The following ANKRD55 variants were observed in gnomAD, a reference collection of about 807,000 sequenced individuals.
ANKRD55 encodes ankyrin repeat domain 55.
A neutral mutation model predicts 60.6 loss-of-function variants in ANKRD55; 41 were observed. The ratio of observed to expected loss-of-function variants is 0.68; its 90% CI spans 0.53 to 0.88. The LOEUF is 0.88. Ranked by LOEUF, ANKRD55 falls within the 40% of genes least tolerant of loss-of-function variation. The pLI is 0.00. For synonymous variants in ANKRD55, 264 were observed against 290.3 expected (o/e 0.91, Z 0.92); for missense variants, 732 against 767.6 (o/e 0.95, Z 0.55).
intron 10 of ANKRD55, 158 bp downstream of exon 10, chr5:56,110,960 A>T: frequency 1.2e-6 from 1 of 812,400 alleles, no homozygotes; most frequent in East Asian, 2.6e-5. Context: ...CAGAAATCTC[A>T]AATCCAGTGC....
intron 8 of ANKRD55, among the ~76,000 whole-genome samples, chr5:56,123,615 A>G (rs1757145109): frequency 6.6e-6 from 1 of 152,090 alleles, no homozygotes; most frequent in Admixed American, 6.5e-5. Flanking sequence ...CAGCAGATGG[A>G]GGGCTGGATG....
chr5:56,205,207 C>G lies in ANKRD55; in HGVS notation c.59-21573G>C, dbSNP rs189885371. On this transcript the variant is annotated intron_variant, in intron 2 of 11. Coordinates refer to ENST00000341048, the MANE Select transcript of ANKRD55 (RefSeq NM_024669.3). The stretch of plus-strand genomic sequence containing the variant: ...TCCTGAGTAGTTGGGATTACAGGTG[C>G]CTGCCACCATGCCCAGCTAATTTTT... Among the ~76,000 whole-genome samples, 304 of 152,164 alleles carry G rather than the reference C, an allele frequency of 2.0e-3. 7 individuals are homozygous for G. In the East Asian group the frequency reaches 0.025, roughly 13 times the overall value.
chr5:56,135,290 G>T (rs537804236), intron 7 of ANKRD55, among the ~76,000 whole-genome samples: 5,267 of 68,458 alleles, frequency 0.077, 310 homozygotes, highest in African/African-American at 0.11. Flanking sequence ...CTGCCTGCCT[G>T]CTTGCTTTCT....
intron 5 of ANKRD55, among the ~76,000 whole-genome samples, chr5:56,164,125 T>C (rs985743039): frequency 1.3e-5 from 2 of 152,120 alleles, no homozygotes; most frequent in African/African-American, 2.4e-5. Flanking sequence ...AAAAATTCTA[T>C]AAAATGATTA....
intron 2 of ANKRD55, among the ~76,000 whole-genome samples, chr5:56,224,015 C>A (rs1298721047): frequency 6.6e-6 from 1 of 152,154 alleles, no homozygotes; most frequent in South Asian, 2.1e-4. Context: ...ACTCTCCACC[C>A]CAAATCAACA....
chr5:56,111,625 T>C lies in ANKRD55; in HGVS notation c.1123A>G (p.Thr375Ala), dbSNP rs1241063059. ...GTGATGATGTCATTGACTTCTGAGG[T>C]GTCCTCCTCTCTGTATCGGTCCCTG... is the stretch of plus-strand genomic sequence containing the variant. ...PSRDRYREED[T>A]SEVNDIITTF... Residue 375 changes from threonine to alanine, a missense_variant, in exon 10 of 12, where the codon ACC becomes GCC. Physicochemically the swap from Thr to Ala is moderately conservative, Grantham distance 58 (BLOSUM62 0). This residue lies in a region of ANKRD55 where 597 missense variants were observed against 607.5 expected (regional missense o/e 0.98). Coordinates refer to ENST00000341048, the MANE Select transcript of ANKRD55 (RefSeq NM_024669.3). 1 of 1,573,658 alleles carries C rather than the reference T, an allele frequency of 6.4e-7. No individual in the cohort carries two copies. The highest frequency in any genetic ancestry group is 2.2e-5 in the East Asian group (1 of 44,762).
intron 10 of ANKRD55, among the ~76,000 whole-genome samples, chr5:56,106,816 G>C (rs924487370): frequency 1.3e-5 from 2 of 151,796 alleles, no homozygotes; most frequent in Non-Finnish European, 2.9e-5. Flanking sequence ...GACTAGTCTG[G>C]GTAACAAAGT....
At chr5:56,224,626 T>C (rs966101231) in intron 2 of ANKRD55, among the ~76,000 whole-genome samples, 5 of 151,346 alleles carry the variant, frequency 3.3e-5, no homozygotes, top group Admixed American at 2.6e-4. Flanking sequence ...ATCAAACAGA[T>C]GCAATAAAAA....
At chr5:56,191,640 C>G (rs997678273) in intron 2 of ANKRD55, among the ~76,000 whole-genome samples, 1 of 152,178 alleles carries the variant, frequency 6.6e-6, no homozygotes, top group Non-Finnish European at 1.5e-5. Context: ...TAGTGAGCTT[C>G]CTGTCACTGA....
At chr5:56,125,794 T>A (rs1757230168) in intron 8 of ANKRD55, 1 of 152,102 alleles carries the variant, frequency 6.6e-6, no homozygotes, top group Non-Finnish European at 1.5e-5. Flanking sequence ...AAAAAAAGAA[T>A]TTCAGGTATC....
chr5:56,182,520 A>G (rs1236834522), intron 3 of ANKRD55, among the ~76,000 whole-genome samples: 4 of 151,978 alleles, frequency 2.6e-5, no homozygotes, highest in African/African-American at 9.7e-5. Context: ...TCATTGAAGC[A>G]TTTTTGTCAC....
At chr5:56,207,169 A>G (rs1380231693) in intron 2 of ANKRD55, among the ~76,000 whole-genome samples, 1 of 152,184 alleles carries the variant, frequency 6.6e-6, no homozygotes, top group South Asian at 2.1e-4. Context: ...TATTATGAGC[A>G]TGTAACAACT....
chr5:56,218,671 C>T lies in ANKRD55; in HGVS notation c.58+14185G>A, dbSNP rs142614624. Among the ~76,000 whole-genome samples, 142 of 152,288 alleles carry T rather than the reference C, an allele frequency of 9.3e-4. 3 individuals carry two copies. The Middle Eastern group carries it at 0.027, about 29-fold the overall frequency. On this transcript the variant is annotated intron_variant, in intron 2 of 11. Coordinates refer to ENST00000341048, the MANE Select transcript of ANKRD55 (RefSeq NM_024669.3). ...TGTAACTCACTTTTTGCAATATTCA[C>T]TTTGTTGCAGTGGTCTGGAAACAAA...
rs13186299 is a variant in ANKRD55 at position 56,159,818 on chromosome 5, G to C, written c.483+15C>G. On this transcript the variant is annotated intron_variant, in intron 6 of 11. Transcript: ENST00000341048. ...CATGCAAAATGACCACTTGTTGCTTGAGAGTGTGGCTCACCTCATTGTCCT... is the reference window on the plus strand; with the variant it reads ...CATGCAAAATGACCACTTGTTGCTTCAGAGTGTGGCTCACCTCATTGTCCT... The C allele has an allele frequency of 0.13, 203,533 of 1,612,006 alleles. 14,712 individuals are homozygous for C. Among genetic ancestry groups the C allele is most frequent in the Middle Eastern group, 0.15 (916 of 5,998 alleles).
intron 7 of ANKRD55, among the ~76,000 whole-genome samples, chr5:56,135,279 C>CTT (rs1561263882): frequency 1.6e-4 from 6 of 38,148 alleles, no homozygotes; most frequent in African/African-American, 4.3e-4. Flanking sequence ...TCCCTCCCTC[C>CTT]CTGCCTGCCT....
rs903436820 is a variant in ANKRD55, at chr5:56,208,560, G to A, written c.58+24296C>T. On this transcript the variant is annotated intron_variant, in intron 2 of 11. Transcript: ENST00000341048. ...CTGGCTTAGCCTCCCGAGTAGCTGG[G>A]ACTACAGGCGCCCGCCACCATGCCC... Among the ~76,000 whole-genome samples the A allele has an allele frequency of 5.3e-4, 80 of 152,128 alleles. No homozygotes were observed. The South Asian group carries it at 6.2e-3, about 12-fold the overall frequency.
At chr5:56,104,374 A>G (rs1026719812) in intron 10 of ANKRD55, among the ~76,000 whole-genome samples, 2 of 152,298 alleles carry the variant, frequency 1.3e-5, no homozygotes, top group South Asian at 4.1e-4. Flanking sequence ...CTGACCCTGT[A>G]ACTTCTATTA....
chr5:56,220,530 A>G (rs1342985885), intron 2 of ANKRD55, among the ~76,000 whole-genome samples: 1 of 152,206 alleles, frequency 6.6e-6, no homozygotes, highest in African/African-American at 2.4e-5. Context: ...GAAAACTGAA[A>G]GAGGCGGGGC....
At chr5:56,223,218 A>C (rs1227769657) in intron 2 of ANKRD55, among the ~76,000 whole-genome samples, 4 of 152,000 alleles carry the variant, frequency 2.6e-5, no homozygotes, top group African/African-American at 4.8e-5. Flanking sequence ...TAAAGAAAAG[A>C]ATTTTCAACC....
Sources: gnomAD v4.1 joint callset for allele counts (sites outside exome capture counted in the v4.1 genomes callset) on GRCh38, gnomAD v4.1.1 for gene constraint, gnomAD v4.1.1 regional missense constraint, MANE v1.5 for transcripts, NCBI Gene and HGNC (gene_info 2026-07-23, HGNC 2026-07-21) for gene names.